Variants in SGK1 observed in about 807,000 individuals in gnomAD.
SGK1 encodes the protein serine/threonine-protein kinase Sgk1.
SGK1 carries 26 observed loss-of-function variants against 64.2 expected under a neutral mutation model. The observed-to-expected ratio is 0.40, with a 90% CI of 0.30 to 0.56. The LOEUF (loss-of-function observed/expected upper bound fraction) is 0.56, where lower values mean the gene tolerates loss of function less well. Among genes scored for constraint, SGK1 ranks in the 20% least tolerant of loss-of-function variants. The pLI is 0.38. For missense variants in SGK1, 519 were observed against 645.6 expected, an observed-to-expected ratio of 0.80 and a Z score of 2.12; for synonymous variants, 265 against 239.7, an observed-to-expected ratio of 1.11 and a Z score of -0.98.
At position 134,207,353 on chromosome 6, in the gene SGK1, T is replaced by TAG; in HGVS notation, c.361+2_361+3insCT. The TAG allele has an allele frequency of 3.1e-6, 5 of 1,592,230 alleles. No individual in the cohort carries two copies. Among genetic ancestry groups the TAG allele is most frequent in the Non-Finnish European group, 4.3e-6 (5 of 1,160,738 alleles). ...GAAACAGGTTGTATTTTTCCAATAA[T>TAG]ACCTGGATCATCATTAGTCCAGAAG... On this transcript the variant is annotated splice_region_variant and intron_variant, in intron 3 of 13. Coordinates refer to ENST00000367858, the MANE Select transcript of SGK1 (RefSeq NM_001143676.3).
At chr6:134,182,862 A>G (rs937871347) in intron 3 of SGK1, among the ~76,000 whole-genome samples, 11 of 152,246 alleles carry the variant, frequency 7.2e-5, no homozygotes, top group African/African-American at 1.9e-4. Context: ...TGATTACTGA[A>G]TAAAGACTTG....
At chr6:134,181,109 C>T (rs2114653686) in intron 3 of SGK1, among the ~76,000 whole-genome samples, 1 of 152,248 alleles carries the variant, frequency 6.6e-6, no homozygotes, top group South Asian at 2.1e-4. Context: ...CATCTACTTC[C>T]CCCACAAGTC....
chr6:134,195,957 A>T (rs1206989951), intron 3 of SGK1, among the ~76,000 whole-genome samples: 1 of 152,254 alleles, frequency 6.6e-6, no homozygotes, highest in Non-Finnish European at 1.5e-5. Context: ...ATGAAAGTGT[A>T]ATCCTAGATA....
chr6:134,307,220 G>A (rs1440489610), intron 1 of SGK1, among the ~76,000 whole-genome samples: 2 of 152,192 alleles, frequency 1.3e-5, no homozygotes, highest in African/African-American at 2.4e-5. Flanking sequence ...TAGTGACAAC[G>A]TAGAGAAGGT....
At chr6:134,235,700 T>C (rs1776352960) in intron 2 of SGK1, among the ~76,000 whole-genome samples, 1 of 151,612 alleles carries the variant, frequency 6.6e-6, no homozygotes, top group African/African-American at 2.4e-5. Flanking sequence ...GCCTCTCGAG[T>C]AGCTGGGACT....
chr6:134,192,883 T>C (rs994474501), intron 3 of SGK1, among the ~76,000 whole-genome samples: 17 of 152,268 alleles, frequency 1.1e-4, no homozygotes, highest in African/African-American at 4.1e-4. Context: ...TAACCCCTTA[T>C]TTCCTACCCT....
intron 2 of SGK1, among the ~76,000 whole-genome samples, chr6:134,214,643 A>G (rs1775948380): frequency 2.5e-5 from 1 of 40,170 alleles, no homozygotes; most frequent in Non-Finnish European, 6.4e-5. Context: ...CAGCATGTAC[A>G]TTCTGAAAAA....
At chr6:134,229,215 G>T (rs1353960194) in intron 2 of SGK1, among the ~76,000 whole-genome samples, 1 of 152,220 alleles carries the variant, frequency 6.6e-6, no homozygotes. Flanking sequence ...AGGCTTTGTC[G>T]CACATATATT....
intron 1 of SGK1, among the ~76,000 whole-genome samples, chr6:134,289,266 A>T (rs1252130237): frequency 4.6e-5 from 7 of 152,232 alleles, no homozygotes; most frequent in Admixed American, 1.3e-4. Context: ...TAGTGTACTA[A>T]AATTGCAAAG....
At chr6:134,176,216 A>G (rs1403318125) in intron 3 of SGK1, among the ~76,000 whole-genome samples, 4 of 152,128 alleles carry the variant, frequency 2.6e-5, no homozygotes, top group Non-Finnish European at 5.9e-5. Context: ...AAAACCCTGC[A>G]GGTCATGATA....
At chr6:134,202,370 G>A (rs547706368) in intron 3 of SGK1, among the ~76,000 whole-genome samples, 7 of 152,272 alleles carry the variant, frequency 4.6e-5, no homozygotes, top group South Asian at 4.1e-4. Context: ...CTGGCCAGGC[G>A]CGGTGGCTCA....
intron 1 of SGK1, among the ~76,000 whole-genome samples, chr6:134,280,377 A>G (rs146328713): frequency 6.6e-6 from 1 of 152,248 alleles, no homozygotes; most frequent in East Asian, 1.9e-4. Flanking sequence ...TGTTGAATAA[A>G]TAGATGAGTA....
chr6:134,177,829 A>T, intron 3 of SGK1: 1 of 1,610,644 alleles, frequency 6.2e-7, no homozygotes, highest in Non-Finnish European at 8.5e-7. Context: ...ACATGAGAGC[A>T]CGAGCCAGAG....
intron 1 of SGK1, among the ~76,000 whole-genome samples, chr6:134,315,868 C>T (rs562123914): frequency 5.3e-5 from 8 of 151,768 alleles, no homozygotes; most frequent in Non-Finnish European, 7.4e-5. Flanking sequence ...AGCAAGACCC[C>T]GTCTCTAAAA....
At chr6:134,258,668 G>A (rs1374515822) in intron 2 of SGK1, among the ~76,000 whole-genome samples, 2 of 152,144 alleles carry the variant, frequency 1.3e-5, no homozygotes, top group Non-Finnish European at 2.9e-5. Flanking sequence ...TCGCGCCACT[G>A]CGCTTTCCAG....
At chr6:134,263,891 A>G (rs916906659) in intron 1 of SGK1, among the ~76,000 whole-genome samples, 1 of 152,140 alleles carries the variant, frequency 6.6e-6, no homozygotes, top group Non-Finnish European at 1.5e-5. Flanking sequence ...GCAAAACCCC[A>G]TCTCTACAAA....
intron 1 of SGK1, chr6:134,297,215 C>G: frequency 1.1e-6 from 1 of 921,220 alleles, no homozygotes; most frequent in Non-Finnish European, 1.7e-6. Context: ...GTATCCCAGA[C>G]TCCAGCCGGC....
chr6:134,280,992 C>T (rs187504514), intron 1 of SGK1, among the ~76,000 whole-genome samples: 1,605 of 152,204 alleles, frequency 0.011, 12 homozygotes, highest in Non-Finnish European at 0.017. Flanking sequence ...CACTTAAACC[C>T]GAAAGGCAGA....
intron 2 of SGK1, among the ~76,000 whole-genome samples, chr6:134,227,080 G>C (rs1240846182): frequency 6.6e-6 from 1 of 152,140 alleles, no homozygotes; most frequent in Non-Finnish European, 1.5e-5. Flanking sequence ...GTAGTCTTAG[G>C]AGTTAGCCTC....
Sources: allele counts gnomAD v4.1 joint callset (sites outside exome capture counted in the v4.1 genomes callset), GRCh38; gene constraint gnomAD v4.1.1; transcripts MANE v1.5; gene names NCBI Gene and HGNC (gene_info 2026-07-23, HGNC 2026-07-21).